Variants in RB1 observed in about 807,000 individuals in gnomAD.
The protein encoded by RB1 is retinoblastoma-associated protein.
Under a neutral mutation model 135.4 loss-of-function variants are expected in RB1, and 18 were observed. The ratio of observed to expected loss-of-function variants is 0.13; its 90% CI spans 0.09 to 0.20. The LOEUF is 0.20. Ranked by LOEUF, RB1 falls within the 10% of genes least tolerant of loss-of-function variation. The probability of loss-of-function intolerance (pLI) is 1.00; values close to 1 mark genes in which losing one functional copy is unlikely to be tolerated. For missense variants in RB1, 868 were observed against 1,110.0 expected, an observed-to-expected ratio of 0.78 and a Z score of 3.10; for synonymous variants, 365 against 373.2, an observed-to-expected ratio of 0.98 and a Z score of 0.25.
At chr13:48,342,554 G>A in intron 2 of RB1, 45 bp from the exon 3 acceptor site, 1 of 1,162,010 alleles carries the variant, frequency 8.6e-7, no homozygotes. Context: ...TATCCAGTGT[G>A]TGAATTATTT....
chr13:48,356,639 A>C (rs1309168266), intron 6 of RB1, among the ~76,000 whole-genome samples: 1 of 151,984 alleles, frequency 6.6e-6, no homozygotes, highest in Non-Finnish European at 1.5e-5. Context: ...AAGTATTATA[A>C]CATTTAAATT....
chr13:48,470,608 C>T (rs201302606), intron 23 of RB1, among the ~76,000 whole-genome samples: 1 of 23,130 alleles, frequency 4.3e-5, no homozygotes, highest in African/African-American at 8.2e-5. Context: ...AAAGAAACTA[C>T]CATCAGAGTG....
rs1186097725 is a variant in RB1 at position 48,360,000 on chromosome 13, G to A, written c.608-17G>A. The A allele has an allele frequency of 1.9e-6, 3 of 1,609,750 alleles. No individual in the cohort carries two copies. Among genetic ancestry groups the A allele is most frequent in the Admixed American group, 1.7e-5 (1 of 59,860 alleles). On this transcript the variant is annotated splice_polypyrimidine_tract_variant and intron_variant, in intron 6 of 26. Coordinates refer to ENST00000267163, the MANE Select transcript of RB1 (RefSeq NM_000321.3). The stretch of plus-strand genomic sequence containing the variant: ...TGAATCTCTAACTTTCTTTAAAAAT[G>A]TACATTTTTTTTTCAGGGGAAGTAT...
At chr13:48,333,278 A>G (rs1040182094) in intron 2 of RB1, 2 of 381,758 alleles carry the variant, frequency 5.2e-6, no homozygotes, top group Non-Finnish European at 9.3e-6. Context: ...AAAGGAGTTG[A>G]TATTGTTAAT....
intron 23 of RB1, among the ~76,000 whole-genome samples, chr13:48,467,301 C>A (rs1462785635): frequency 0.043 from 3,072 of 70,806 alleles, no homozygotes; most frequent in Middle Eastern, 0.089. Context: ...TCATATCCAG[C>A]CAAACTAAGC....
chr13:48,397,494 G>C (rs1228220383), intron 17 of RB1, among the ~76,000 whole-genome samples: 2 of 152,072 alleles, frequency 1.3e-5, no homozygotes, highest in African/African-American at 4.8e-5. Flanking sequence ...GGCCTGTCAG[G>C]GGGTGCGGGT....
Position 48,477,411 on chromosome 13 carries a change from A to G in RB1, c.2713+7A>G, listed in dbSNP as rs1593547664. The G allele has an allele frequency of 6.3e-7, 1 of 1,596,134 alleles. No homozygotes were observed. Among genetic ancestry groups the G allele is most frequent in the Non-Finnish European group, 8.6e-7 (1 of 1,164,264 alleles). On this transcript the variant is annotated splice_region_variant and intron_variant, in intron 26 of 26. Coordinates refer to ENST00000267163, the MANE Select transcript of RB1 (RefSeq NM_000321.3). ...CAGAAACTGGCAGAAATGAGTAAGT[A>G]CTTTTTTCACCTTGTGTAAATGAAA... is the stretch of plus-strand genomic sequence containing the variant.
Position 48,411,770 on chromosome 13 carries a change from A to G in RB1, c.1695+30327A>G. 1.9e-6 allele frequency: 3 copies of G among 1,611,110 alleles called. No individual in the cohort carries two copies. In the Middle Eastern group the frequency reaches 5.0e-4, roughly 266 times the overall value. On this transcript the variant is annotated intron_variant, in intron 17 of 26. Coordinates refer to ENST00000267163, the MANE Select transcript of RB1 (RefSeq NM_000321.3). The stretch of plus-strand genomic sequence containing the variant: ...CCTTAGTTTTGTTTATTTTGCTTCT[A>G]CTTAATGTAACAGGTTTGGTTAAAG...
At chr13:48,401,440 TGAG>T (rs1303630405) in intron 17 of RB1, 1 of 152,212 alleles carries the variant, frequency 6.6e-6, no homozygotes, top group Non-Finnish European at 1.5e-5. Context: ...TATTAATTAT[TGAG>T]TTTACTAAAA....
At chr13:48,445,411 C>T (rs1299671389) in intron 17 of RB1, among the ~76,000 whole-genome samples, 2 of 152,142 alleles carry the variant, frequency 1.3e-5, no homozygotes, top group African/African-American at 4.8e-5. Flanking sequence ...TCAGATTCTG[C>T]GTGATCATAC....
chr13:48,472,165 C>T (rs2138352990), intron 23 of RB1, among the ~76,000 whole-genome samples: 1 of 152,240 alleles, frequency 6.6e-6, no homozygotes, highest in Admixed American at 6.5e-5. Flanking sequence ...AATGTAGTCT[C>T]ATCTCAGAAA....
At chr13:48,336,294 G>A (rs1220605045) in intron 2 of RB1, among the ~76,000 whole-genome samples, 8 of 152,072 alleles carry the variant, frequency 5.3e-5, no homozygotes, top group African/African-American at 1.7e-4. Flanking sequence ...GGTAGAATTC[G>A]GCTGTGAATT....
At chr13:48,315,672 T>A (rs1287836650) in intron 2 of RB1, among the ~76,000 whole-genome samples, 2 of 152,200 alleles carry the variant, frequency 1.3e-5, no homozygotes, top group African/African-American at 4.8e-5. Flanking sequence ...CATAGATGGC[T>A]CTTATTATTT....
At chr13:48,338,621 A>T (rs1201598677) in intron 2 of RB1, among the ~76,000 whole-genome samples, 1 of 152,194 alleles carries the variant, frequency 6.6e-6, no homozygotes, top group African/African-American at 2.4e-5. Context: ...ATGTTGGGTT[A>T]GAACTTCCTT....
intron 17 of RB1, among the ~76,000 whole-genome samples, chr13:48,436,620 G>T (rs1949186851): frequency 6.6e-6 from 1 of 151,304 alleles, no homozygotes; most frequent in Non-Finnish European, 1.5e-5. Context: ...TCCAGCCTGG[G>T]TGACAAGAGC....
At chr13:48,415,057 T>G (rs1391268293) in intron 17 of RB1, among the ~76,000 whole-genome samples, 1 of 152,136 alleles carries the variant, frequency 6.6e-6, no homozygotes, top group Non-Finnish European at 1.5e-5. Flanking sequence ...TCTTTCAAAT[T>G]GATAGTCTCC....
intron 3 of RB1, among the ~76,000 whole-genome samples, chr13:48,342,986 T>C (rs1214368450): frequency 6.6e-6 from 1 of 152,136 alleles, no homozygotes; most frequent in East Asian, 1.9e-4. Context: ...TTGTGGCTGT[T>C]AATAAAGTGA....
intron 6 of RB1, among the ~76,000 whole-genome samples, chr13:48,352,372 T>G (rs1282206468): frequency 6.6e-6 from 1 of 152,136 alleles, no homozygotes; most frequent in Non-Finnish European, 1.5e-5. Context: ...AAAATAGTTT[T>G]TTTTTTTTTA....
At chr13:48,346,927 T>C (rs1169495150) in intron 4 of RB1, among the ~76,000 whole-genome samples, 1 of 151,874 alleles carries the variant, frequency 6.6e-6, no homozygotes, top group East Asian at 1.9e-4. Flanking sequence ...TCTATACATA[T>C]AAGTACTTTA....
Sources: gnomAD v4.1 joint callset for allele counts (sites outside exome capture counted in the v4.1 genomes callset) on GRCh38, gnomAD v4.1.1 for gene constraint, MANE v1.5 for transcripts, NCBI Gene and HGNC (gene_info 2026-07-23, HGNC 2026-07-21) for gene names.